Variants in BCORL1 observed in about 807,000 individuals in gnomAD.
BCORL1 encodes BCL-6 corepressor-like protein 1.
A neutral mutation model predicts 87.6 loss-of-function variants in BCORL1; 7 were observed. That is an observed-to-expected ratio of 0.08 (90% CI 0.05 to 0.15). BCORL1 has a LOEUF of 0.15. Ranked by LOEUF, BCORL1 falls within the 10% of genes least tolerant of loss-of-function variation. BCORL1 has a pLI of 1.00. For missense variants in BCORL1, 1,215 were observed against 1,499.7 expected, an observed-to-expected ratio of 0.81 and a Z score of 3.13; for synonymous variants, 591 against 634.4, an observed-to-expected ratio of 0.93 and a Z score of 1.03.
intron 7 of BCORL1, among the ~76,000 whole-genome samples, chrX:130,027,870 G>A (rs1930344110): frequency 8.9e-6 from 1 of 111,807 alleles, no homozygotes; most frequent in Non-Finnish European, 1.9e-5. Context: ...ACACACAGTC[G>A]CCCCTACACA....
intron 1 of BCORL1, among the ~76,000 whole-genome samples, chrX:129,985,660 A>C (rs772446700): frequency 1.8e-5 from 2 of 110,607 alleles, no homozygotes; most frequent in Non-Finnish European, 3.8e-5. Flanking sequence ...GAGTTTAGGG[A>C]TGTGGCCATC....
chrX:130,007,053 C>T (rs1367592809), intron 2 of BCORL1, among the ~76,000 whole-genome samples: 11 of 111,500 alleles, frequency 9.9e-5, no homozygotes, highest in Non-Finnish European at 1.5e-4. Context: ...AATGTGTGTG[C>T]GCATATAGGG....
At chrX:130,032,733 C>CTATTTATT (rs61204194) in intron 8 of BCORL1, among the ~76,000 whole-genome samples, 41 of 87,587 alleles carry the variant, frequency 4.7e-4, no homozygotes, top group African/African-American at 9.2e-4. Flanking sequence ...AGAATCTCTT[C>CTATTTATT]TATTTATTTA....
At chrX:130,017,594 C>T (rs756574804) in intron 4 of BCORL1, among the ~76,000 whole-genome samples, 2 of 109,832 alleles carry the variant, frequency 1.8e-5, no homozygotes, top group African/African-American at 6.6e-5. Context: ...TCTCTGGTTC[C>T]AAAGTCCATG....
intron 1 of BCORL1, among the ~76,000 whole-genome samples, chrX:130,003,694 C>T (rs774740504): frequency 9.0e-6 from 1 of 111,551 alleles, no homozygotes; most frequent in South Asian, 3.7e-4. Context: ...TCTAACATGC[C>T]GTGACATAGA....
upstream of BCORL1, among the ~76,000 whole-genome samples, chrX:129,980,853 G>A (rs1603046086): frequency 9.2e-6 from 1 of 108,638 alleles, no homozygotes; most frequent in East Asian, 3.0e-4. Context: ...TGGACCGAGC[G>A]GTAGGGCGGG....
At chrX:130,038,650 T>C (rs1931108326) in intron 10 of BCORL1, among the ~76,000 whole-genome samples, 1 of 110,934 alleles carries the variant, frequency 9.0e-6, no homozygotes. Flanking sequence ...CCCAGCTAAT[T>C]TTTGGATTTT....
At chrX:129,988,447 A>G (rs991032279) in intron 1 of BCORL1, among the ~76,000 whole-genome samples, 8 of 110,894 alleles carry the variant, frequency 7.2e-5, no homozygotes, top group Non-Finnish European at 1.3e-4. Context: ...ATAAAACATA[A>G]AAAAGGATCT....
chrX:130,055,660 G>A (rs1932333213), intron 13 of BCORL1, among the ~76,000 whole-genome samples, 194 bp from the exon 14 acceptor site: 2 of 112,851 alleles, frequency 1.8e-5, no homozygotes, highest in Admixed American at 1.9e-4. Context: ...CAGGGGACAG[G>A]AGAAGACATT....
chrX:130,036,317 A>G (rs1930941053), intron 9 of BCORL1, among the ~76,000 whole-genome samples: 1 of 109,562 alleles, frequency 9.1e-6, no homozygotes, highest in African/African-American at 3.3e-5. Context: ...CTGGAGTGCA[A>G]CGGTGCAATC....
intron 5 of BCORL1, 68 bp downstream of exon 5, chrX:130,021,218 C>T: frequency 1.8e-6 from 2 of 1,133,885 alleles, no homozygotes; most frequent in South Asian, 4.4e-5. Flanking sequence ...GTGGTGAGGG[C>T]AGAGGGGCTC....
At chrX:130,039,112 T>C (rs879249372) in intron 10 of BCORL1, 25 bp from the exon 11 acceptor site, 1 of 1,209,407 alleles carries the variant, frequency 8.3e-7, no homozygotes. Flanking sequence ...GGCCCTGTTA[T>C]CCTCACCCTG....
intron 1 of BCORL1, among the ~76,000 whole-genome samples, chrX:129,998,057 G>A (rs968097786): frequency 9.3e-6 from 1 of 107,217 alleles, no homozygotes; most frequent in East Asian, 2.9e-4. Context: ...CAGAGCACGT[G>A]CTCTCCTTTG....
chrX:130,050,433 T>TA (rs1303051883), intron 11 of BCORL1, among the ~76,000 whole-genome samples: 485 of 105,984 alleles, frequency 4.6e-3, no homozygotes, highest in Non-Finnish European at 7.0e-3. Flanking sequence ...CCCTGACTCT[T>TA]AAAAAAAAAA....
chrX:130,012,876 C>T lies in BCORL1; in HGVS notation c.178-74C>T, dbSNP rs181777537. ...GAGTTGCAGAGAAGACCAGCAGTTG[C>T]CTCTCGGGCCTCAGGACACTTGCAC... On this transcript the variant is annotated intron_variant, in intron 3 of 13. Coordinates refer to ENST00000540052, the MANE Select transcript of BCORL1 (RefSeq NM_001379451.1). 97 of 1,143,415 alleles carry T rather than the reference C, an allele frequency of 8.5e-5. No homozygotes were observed. In the African/African-American group the frequency reaches 1.5e-3, roughly 17 times the overall value. 94.2% of individuals were successfully genotyped at this position (1,143,415 alleles called of 1,213,427 possible). A position where few individuals can be genotyped will look rare whatever the true frequency, so the allele number is the denominator to read the frequency against.
chrX:130,047,694 T>G (rs1452630845), intron 11 of BCORL1, among the ~76,000 whole-genome samples: 1 of 111,880 alleles, frequency 8.9e-6, no homozygotes, highest in Non-Finnish European at 1.9e-5. Context: ...TGCATGTGTT[T>G]CGGCATGTTG....
chrX:130,022,214 T>A (rs1301445890), intron 5 of BCORL1, among the ~76,000 whole-genome samples: 2 of 108,539 alleles, frequency 1.8e-5, no homozygotes, highest in Admixed American at 9.9e-5. Context: ...GTTAGAACTT[T>A]GTTTATTTTC....
rs187234118 is a variant in BCORL1, at chrX:130,018,709, G to C, written c.3442-2276G>C. On this transcript the variant is annotated intron_variant, in intron 4 of 13. Coordinates refer to ENST00000540052, the MANE Select transcript of BCORL1 (RefSeq NM_001379451.1). Reference sequence around the variant, plus strand: ...TATCCTATATTAGATGAACAGTTCAGTGGGCCCACTATCAAATGCAGAGGG... The same window carrying C: ...TATCCTATATTAGATGAACAGTTCACTGGGCCCACTATCAAATGCAGAGGG... 4.5e-5 allele frequency among the ~76,000 whole-genome samples: 5 copies of C among 112,305 alleles called. No individual in the cohort carries two copies. In the East Asian group the frequency reaches 1.4e-3, roughly 31 times the overall value.
chrX:130,004,390 G>A (rs1315378003), intron 1 of BCORL1, among the ~76,000 whole-genome samples: 2 of 109,515 alleles, frequency 1.8e-5, no homozygotes, highest in African/African-American at 3.3e-5. Context: ...GATTACAGGT[G>A]CACACCACCA....
Sources: gnomAD v4.1 joint callset for allele counts (sites outside exome capture counted in the v4.1 genomes callset) on GRCh38, gnomAD v4.1.1 for gene constraint, MANE v1.5 for transcripts, NCBI Gene and HGNC (gene_info 2026-07-23, HGNC 2026-07-21) for gene names.